Variants in TAFA1 observed in about 807,000 individuals in gnomAD.
TAFA1 encodes the protein chemokine-like protein TAFA-1.
In TAFA1, 4 loss-of-function variants were observed where a neutral mutation model predicts 18.5. The ratio of observed to expected loss-of-function variants is 0.22; its 90% CI spans 0.11 to 0.49. TAFA1 has a LOEUF of 0.49. TAFA1 is among the 20% of genes least tolerant of loss of function. TAFA1 has a pLI of 0.98. For missense variants in TAFA1, 147 were observed against 169.0 expected, an observed-to-expected ratio of 0.87 and a Z score of 0.72; for synonymous variants, 56 against 55.2, an observed-to-expected ratio of 1.01 and a Z score of -0.06.
chr3:68,399,744 A>G (rs747866302), intron 2 of TAFA1, among the ~76,000 whole-genome samples: 23 of 152,214 alleles, frequency 1.5e-4, no homozygotes, highest in Non-Finnish European at 2.6e-4. Flanking sequence ...TTCAGTCCTC[A>G]TATCTACTCA....
chr3:68,450,024 G>A (rs1282237483), intron 3 of TAFA1, among the ~76,000 whole-genome samples: 1 of 152,122 alleles, frequency 6.6e-6, no homozygotes, highest in African/African-American at 2.4e-5. Context: ...TGGGTTTTTT[G>A]GGACAGAACT....
chr3:68,413,495 CTGTAAGT>C (rs762575568), intron 2 of TAFA1, among the ~76,000 whole-genome samples: 7 of 152,128 alleles, frequency 4.6e-5, no homozygotes, highest in Non-Finnish European at 1.0e-4. Flanking sequence ...ATATTGCTTG[CTGTAAGT>C]CTGTATCATC....
chr3:68,484,490 T>A (rs1465454339), intron 3 of TAFA1, among the ~76,000 whole-genome samples: 2 of 151,964 alleles, frequency 1.3e-5, no homozygotes, highest in Admixed American at 6.6e-5. Context: ...GATTGGTGGG[T>A]GAGGTGAAAA....
Position 68,463,821 on chromosome 3 carries a change from G to C in TAFA1, c.259+46401G>C, listed in dbSNP as rs146140070. Reference sequence around the variant, plus strand: ...CGTGTTCCATATCTACTGAATTATGGACCATAGCATTTACAGGCAATTACA... The same window carrying C: ...CGTGTTCCATATCTACTGAATTATGCACCATAGCATTTACAGGCAATTACA... On this transcript the variant is annotated intron_variant, in intron 3 of 4. Transcript: ENST00000478136. 3.0e-3 allele frequency among the ~76,000 whole-genome samples: 455 copies of C among 152,140 alleles called. 3 individuals are homozygous for C. The highest frequency in any genetic ancestry group is 0.01 in the African/African-American group (433 of 41,518).
intron 2 of TAFA1, among the ~76,000 whole-genome samples, chr3:68,343,469 T>C (rs1436700846): frequency 6.6e-6 from 1 of 152,364 alleles, no homozygotes; most frequent in South Asian, 2.1e-4. Flanking sequence ...TGTATGATAG[T>C]AGTCTCTTCA....
chr3:68,437,351 G>T (rs1246212842), intron 3 of TAFA1, among the ~76,000 whole-genome samples: 1 of 152,142 alleles, frequency 6.6e-6, no homozygotes, highest in Non-Finnish European at 1.5e-5. Context: ...AGTTGTATTA[G>T]TCCATTTTCT....
chr3:68,275,926 T>A (rs2067787541), intron 2 of TAFA1, among the ~76,000 whole-genome samples: 1 of 152,148 alleles, frequency 6.6e-6, no homozygotes, highest in Admixed American at 6.6e-5. Flanking sequence ...TCTGTTTCAC[T>A]AGATGGTAAG....
intron 2 of TAFA1, among the ~76,000 whole-genome samples, chr3:68,018,760 C>T (rs73837230): frequency 0.94 from 143,046 of 152,320 alleles, 67,332 homozygotes; most frequent in South Asian, 0.98. Flanking sequence ...CATCTTCCCA[C>T]TTTTCTAGTA....
intron 2 of TAFA1, among the ~76,000 whole-genome samples, chr3:68,075,308 T>A (rs1164910391): frequency 1.3e-5 from 2 of 152,202 alleles, no homozygotes; most frequent in African/African-American, 2.4e-5. Context: ...GCTAATAGAC[T>A]ATTTGTGACC....
chr3:67,998,079 A>T, the TAFA1 span, among the ~76,000 whole-genome samples: 1 of 152,040 alleles, frequency 6.6e-6, no homozygotes, highest in African/African-American at 2.4e-5. Context: ...CCATATATTA[A>T]ATTACAATTT....
At chr3:68,320,109 A>G (rs1486176403) in intron 2 of TAFA1, among the ~76,000 whole-genome samples, 2 of 152,236 alleles carry the variant, frequency 1.3e-5, no homozygotes, top group Non-Finnish European at 2.9e-5. Context: ...GGTAGAATAT[A>G]CTACTTATCA....
chr3:68,324,994 G>A (rs2068754200), intron 2 of TAFA1, among the ~76,000 whole-genome samples: 1 of 152,136 alleles, frequency 6.6e-6, no homozygotes, highest in Admixed American at 6.6e-5. Context: ...ATGTGGGTGG[G>A]TATTCTATGA....
intron 2 of TAFA1, among the ~76,000 whole-genome samples, chr3:68,315,863 T>C (rs1228082669): frequency 6.6e-6 from 1 of 152,190 alleles, no homozygotes; most frequent in African/African-American, 2.4e-5. Context: ...GTTTGTGAAC[T>C]GATAATGTGG....
intron 2 of TAFA1, among the ~76,000 whole-genome samples, chr3:68,298,758 C>T (rs1323614308): frequency 6.6e-6 from 1 of 152,174 alleles, no homozygotes; most frequent in African/African-American, 2.4e-5. Context: ...CTTTGCCTTC[C>T]ACCATGATTG....
intron 3 of TAFA1, among the ~76,000 whole-genome samples, chr3:68,500,593 C>A (rs1027564615): frequency 6.6e-6 from 1 of 152,042 alleles, no homozygotes; most frequent in African/African-American, 2.4e-5. Flanking sequence ...TAGTCACACC[C>A]ATTTGTTTAT....
intron 2 of TAFA1, among the ~76,000 whole-genome samples, chr3:68,263,802 C>G (rs901565978): frequency 1.3e-5 from 2 of 152,160 alleles, no homozygotes; most frequent in East Asian, 3.9e-4. Context: ...ACACTATAAA[C>G]CTATGTTTCG....
intron 2 of TAFA1, among the ~76,000 whole-genome samples, chr3:68,139,481 G>A (rs73834845): frequency 6.6e-6 from 1 of 152,024 alleles, no homozygotes; most frequent in Non-Finnish European, 1.5e-5. Context: ...TGGGCACAGT[G>A]GGTCTTGTTA....
At chr3:68,052,291 C>T (rs74802532) in intron 2 of TAFA1, among the ~76,000 whole-genome samples, 6,147 of 152,148 alleles carry the variant, frequency 0.04, 192 homozygotes, top group Non-Finnish European at 0.058. Flanking sequence ...TTTTATTAAA[C>T]AATGGCCCTA....
intron 2 of TAFA1, among the ~76,000 whole-genome samples, chr3:68,231,344 ATTTTTTTTTTT>A (rs1175174572): frequency 3.8e-5 from 3 of 79,852 alleles, no homozygotes; most frequent in African/African-American, 1.5e-4. Flanking sequence ...AATCTATTTG[ATTTTTTTTTTT>A]TTTTTTTTTT....
Sources: allele counts gnomAD v4.1 joint callset (sites outside exome capture counted in the v4.1 genomes callset), GRCh38; gene constraint gnomAD v4.1.1; transcripts MANE v1.5; gene names NCBI Gene and HGNC (gene_info 2026-07-23, HGNC 2026-07-21).